Variants in P2RX5 observed in about 807,000 individuals in gnomAD.
P2RX5 encodes purinergic receptor P2X 5.
Under a neutral mutation model 54.1 loss-of-function variants are expected in P2RX5, and 46 were observed. That is an observed-to-expected ratio of 0.85 (90% CI 0.67 to 1.09). P2RX5 has a LOEUF of 1.09. P2RX5 is among the 50% of genes least tolerant of loss of function. The pLI is 0.00. For missense variants in P2RX5, 566 were observed against 549.8 expected (o/e 1.03, Z -0.29); for synonymous variants, 226 against 226.4 (o/e 1.00, Z 0.02).
chr17:3,722,472 C>A, the P2RX5 span: 1 of 141,882 alleles, frequency 7.0e-6, no homozygotes, highest in African/African-American at 2.8e-5. Flanking sequence ...CAGAGCAAGA[C>A]TCCATCTAAA....
At chr17:3,684,440 C>A (rs1413920878) in intron 9 of P2RX5, among the ~76,000 whole-genome samples, 1 of 152,192 alleles carries the variant, frequency 6.6e-6, no homozygotes, top group Non-Finnish European at 1.5e-5. Context: ...CCCATTTCTA[C>A]AAAAAATTTA....
chr17:3,690,511 C>T lies in P2RX5; in HGVS notation c.449G>A (p.Gly150Asp). The change falls in exon 5 of 12, where the codon GGC (glycine) becomes GAC (aspartate). Residue 150 changes from glycine to aspartate, a missense_variant. By Grantham distance (94) the Gly-to-Asp change is moderately conservative (BLOSUM62 -1). Transcript: ENST00000225328. Reference protein sequence around the residue: ...AVTAGNGVKTGRCLRRENLAR... With the variant: ...AVTAGNGVKTDRCLRRENLAR... ...CAAGTTCTCTCTCCGCAGGCAGCGG[C>T]CGGTCTTCACTCCTGCAGGGGTGGG... 6.2e-7 allele frequency: 1 copy of T among 1,613,558 alleles called. No homozygotes were observed.
upstream of P2RX5, among the ~76,000 whole-genome samples, chr17:3,698,735 C>T (rs2050796344): frequency 6.6e-6 from 1 of 152,094 alleles, no homozygotes; most frequent in Non-Finnish European, 1.5e-5. Context: ...CAGGCTGCAA[C>T]TTCTGACGGA....
chr17:3,680,179 TCCACCCTGC>T (rs2050214635), intron 10 of P2RX5, among the ~76,000 whole-genome samples: 2 of 126,846 alleles, frequency 1.6e-5, no homozygotes, highest in African/African-American at 6.1e-5. Context: ...CCCTGCATCC[TCCACCCTGC>T]GTCCTCCACC....
rs547241545 is a variant in P2RX5, at chr17:3,694,824, C to T, written c.137+1045G>A. Among the ~76,000 whole-genome samples the T allele has an allele frequency of 3.3e-5, 5 of 152,330 alleles. 1 individual carries two copies. The East Asian group carries it at 9.6e-4, about 29-fold the overall frequency. Reference sequence around the variant, plus strand: ...CAGCGACATCAGGCAAATGATCCCCCAAATAAGCCCAATAATTACACTGTG... The same window carrying T: ...CAGCGACATCAGGCAAATGATCCCCTAAATAAGCCCAATAATTACACTGTG... On this transcript the variant is annotated intron_variant, in intron 1 of 11. Coordinates refer to ENST00000225328, the MANE Select transcript of P2RX5 (RefSeq NM_002561.4).
At chr17:3,723,804 C>G in the P2RX5 span, 41 of 1,588,348 alleles carry the variant, frequency 2.6e-5, no homozygotes, top group Non-Finnish European at 3.4e-5. Flanking sequence ...TTTTCCGTCC[C>G]GTCCCGGCCC....
intron 1 of P2RX5, among the ~76,000 whole-genome samples, chr17:3,692,622 G>A (rs574256836): frequency 6.4e-4 from 97 of 152,150 alleles, no homozygotes; most frequent in Non-Finnish European, 1.0e-3. Context: ...CAGGAGGATC[G>A]CTTGAGCCCA....
chr17:3,719,838 G>A, the P2RX5 span, among the ~76,000 whole-genome samples: 1 of 151,658 alleles, frequency 6.6e-6, no homozygotes, highest in Non-Finnish European at 1.5e-5. Flanking sequence ...AGCGATTCTC[G>A]TGCCTCAGCC....
intron 11 of P2RX5, chr17:3,676,502 CTT>C (rs71942971): frequency 0.022 from 21,520 of 985,090 alleles, 455 homozygotes; most frequent in African/African-American, 0.1. Context: ...AATATTGTAA[CTT>C]AAATCAGCTG....
At chr17:3,691,157 A>T in intron 2 of P2RX5, 130 bp from the exon 3 acceptor site, 1 of 710,244 alleles carries the variant, frequency 1.4e-6, no homozygotes, top group South Asian at 1.6e-5. Flanking sequence ...CAAACTTGGT[A>T]TACTCTGCCC....
At chr17:3,680,342 C>A (rs1597700030) in intron 10 of P2RX5, among the ~76,000 whole-genome samples, 4 of 114,384 alleles carry the variant, frequency 3.5e-5, no homozygotes, top group South Asian at 3.2e-4. Context: ...CTCCACCCTG[C>A]GTCCTCCACC....
the P2RX5 span, among the ~76,000 whole-genome samples, chr17:3,719,803 C>T: frequency 6.5e-4 from 98 of 151,566 alleles, 1 homozygote; most frequent in Admixed American, 5.8e-3. Flanking sequence ...TCTCGGCTCA[C>T]TGCAACCTCT....
intron 9 of P2RX5, among the ~76,000 whole-genome samples, chr17:3,683,627 G>A (rs1221061588): frequency 6.6e-6 from 1 of 152,142 alleles, no homozygotes; most frequent in Non-Finnish European, 1.5e-5. Flanking sequence ...CTACTCAGGA[G>A]GCTGAGGCAG....
intron 1 of P2RX5, 30 bp downstream of exon 1, chr17:3,695,839 C>T (rs368815189): frequency 6.8e-6 from 11 of 1,611,218 alleles, no homozygotes; most frequent in African/African-American, 4.0e-5. Context: ...GCCCCTCCCC[C>T]GCCTTCCCAA....
chr17:3,717,935 G>C, the P2RX5 span: 1 of 152,208 alleles, frequency 6.6e-6, no homozygotes, highest in African/African-American at 2.4e-5. Flanking sequence ...GTCCCAAGGT[G>C]ACTCGGGAAA....
chr17:3,713,277 T>C, the P2RX5 span, among the ~76,000 whole-genome samples: 1 of 151,814 alleles, frequency 6.6e-6, no homozygotes, highest in South Asian at 2.1e-4. Context: ...AGAGGACGGC[T>C]TGAACCCAAA....
At chr17:3,716,975 A>G in the P2RX5 span, 1 of 555,122 alleles carries the variant, frequency 1.8e-6, no homozygotes, top group Admixed American at 3.3e-5. Context: ...TAGATCATCT[A>G]AAACTATCCA....
At chr17:3,707,710 CT>C in the P2RX5 span, among the ~76,000 whole-genome samples, 2 of 152,090 alleles carry the variant, frequency 1.3e-5, no homozygotes, top group African/African-American at 4.8e-5. Flanking sequence ...TTCAGTCCCC[CT>C]GACTACTGTG....
upstream of P2RX5, among the ~76,000 whole-genome samples, chr17:3,697,698 C>T (rs1483036786): frequency 6.6e-6 from 1 of 152,206 alleles, no homozygotes; most frequent in African/African-American, 2.4e-5. Flanking sequence ...GGCTGGGAAC[C>T]TGTATTTTGC....
Sources: gnomAD v4.1 joint callset for allele counts (sites outside exome capture counted in the v4.1 genomes callset) on GRCh38, gnomAD v4.1.1 for gene constraint, MANE v1.5 for transcripts, NCBI Gene and HGNC (gene_info 2026-07-23, HGNC 2026-07-21) for gene names.